The following UNC79 variants were observed in gnomAD, a reference collection of about 807,000 sequenced individuals.
UNC79 encodes unc-79 subunit of NALCN channel complex.
Under a neutral mutation model 283.1 loss-of-function variants are expected in UNC79, and 37 were observed. That is an observed-to-expected ratio of 0.13 (90% CI 0.10 to 0.17). The LOEUF (loss-of-function observed/expected upper bound fraction) is 0.17, where lower values mean the gene tolerates loss of function less well. Ranked by LOEUF, UNC79 falls within the 10% of genes least tolerant of loss-of-function variation. UNC79 has a pLI of 1.00. For missense variants in UNC79, 2,272 were observed against 3,211.1 expected, an observed-to-expected ratio of 0.71 and a Z score of 7.07; for synonymous variants, 1,107 against 1,200.2, an observed-to-expected ratio of 0.92 and a Z score of 1.61.
chr14:93,591,081 G>A (rs1466208068), intron 22 of UNC79, among the ~76,000 whole-genome samples: 1 of 152,134 alleles, frequency 6.6e-6, no homozygotes, highest in Non-Finnish European at 1.5e-5. Flanking sequence ...TGGCAGGGTT[G>A]GGATGAGGTC....
At position 93,673,470 on chromosome 14, in the gene UNC79, G is replaced by T. The variant is rs531321931; in HGVS notation, c.6741+15G>T. 2 of 1,607,246 alleles carry T rather than the reference G, an allele frequency of 1.2e-6. No homozygotes were observed. Among genetic ancestry groups the T allele is most frequent in the South Asian group, 1.1e-5 (1 of 89,756 alleles). The stretch of plus-strand genomic sequence containing the variant: ...TGCTTGTTCAGGTAAGCTCATGCTT[G>T]ATTTGTAAAACTTTTCATGAGATCC... On this transcript the variant is annotated intron_variant, in intron 41 of 48. Transcript: ENST00000555664.
At chr14:93,655,145 A>T (rs2070782054) in intron 37 of UNC79, 89 bp from the exon 41 acceptor site, 1 of 1,445,112 alleles carries the variant, frequency 6.9e-7, no homozygotes, top group Non-Finnish European at 9.5e-7. Context: ...TAGCCTGAAG[A>T]TGTGACTTTT....
chr14:93,480,417 C>T (rs911012689), intron 4 of UNC79, among the ~76,000 whole-genome samples: 3 of 152,108 alleles, frequency 2.0e-5, no homozygotes, highest in Non-Finnish European at 2.9e-5. Flanking sequence ...GTAAGAGGCA[C>T]GTATTGTCCT....
intron 32 of UNC79, among the ~76,000 whole-genome samples, chr14:93,638,975 A>G (rs1167506033): frequency 6.6e-6 from 1 of 152,224 alleles, no homozygotes; most frequent in Non-Finnish European, 1.5e-5. Flanking sequence ...GATGACGGCC[A>G]TAAATATTGC....
intron 18 of UNC79, 86 bp downstream of exon 18, chr14:93,578,149 C>A: frequency 8.0e-7 from 1 of 1,248,748 alleles, no homozygotes; most frequent in Non-Finnish European, 1.1e-6. Flanking sequence ...TGTTGGGCAT[C>A]TCCACACTTA....
At chr14:93,662,826 A>G in intron 40 of UNC79, 112 bp downstream of exon 43, 2 of 694,964 alleles carry the variant, frequency 2.9e-6, no homozygotes, top group Non-Finnish European at 4.7e-6. Flanking sequence ...ATAGTTAAAA[A>G]TGAGTAATTC....
At chr14:93,369,494 TAG>T (rs1364367774) in intron 1 of UNC79, among the ~76,000 whole-genome samples, 1 of 152,174 alleles carries the variant, frequency 6.6e-6, no homozygotes, top group Non-Finnish European at 1.5e-5. Context: ...CTTCCAGGAT[TAG>T]AGTGTCATGC....
intron 1 of UNC79, among the ~76,000 whole-genome samples, chr14:93,423,084 AAAAAAAAG>A (rs2055639744): frequency 2.0e-5 from 3 of 147,942 alleles, no homozygotes; most frequent in African/African-American, 7.5e-5. Context: ...AAAAAAAAAA[AAAAAAAAG>A]AAAAGAAGTC....
At position 93,688,158 on chromosome 14, in the gene UNC79, C is replaced by T. The variant is rs930868121; in HGVS notation, c.6910-507C>T. 6.6e-6 allele frequency among the ~76,000 whole-genome samples: 1 copy of T among 152,190 alleles called. No homozygotes were observed. Among genetic ancestry groups the T allele is most frequent in the African/African-American group, 2.4e-5 (1 of 41,448 alleles). ...ATGCTGTGATGAGCAAAAGCGGACA[C>T]AGTAGCTGCTCTCATTTAATTTATA... On this transcript the variant is annotated intron_variant, in intron 43 of 48. Coordinates refer to ENST00000555664, the Ensembl canonical transcript of UNC79. This position sits in a 1 kb window ranked among gnomAD's most constrained non-coding sequence, Gnocchi z 4.0.
In UNC79 at chr14:93,619,495, A is replaced by G. The variant is rs190300182; in HGVS notation, c.4387+1141A>G. Among the ~76,000 whole-genome samples the G allele has an allele frequency of 6.2e-3, 941 of 152,374 alleles. 7 individuals are homozygous for G. The highest frequency in any genetic ancestry group is 0.041 in the Middle Eastern group (12 of 294). On this transcript the variant is annotated intron_variant, in intron 29 of 48. Coordinates refer to ENST00000555664, the Ensembl canonical transcript of UNC79. ...TGCATTTTTCAAAGGATATTTTTCC[A>G]AAAAGGAAATAGAGAAGTAAAACAG...
intron 41 of UNC79, among the ~76,000 whole-genome samples, chr14:93,677,825 T>G (rs2073479407): frequency 6.6e-6 from 1 of 152,128 alleles, no homozygotes; most frequent in Non-Finnish European, 1.5e-5. Flanking sequence ...AATTTTTGTA[T>G]TTTTAGTAGA....
At chr14:93,640,522 T>G (rs755787879) in intron 32 of UNC79, among the ~76,000 whole-genome samples, 22 of 152,102 alleles carry the variant, frequency 1.4e-4, no homozygotes, top group Non-Finnish European at 2.6e-4. Flanking sequence ...CAGCCACTTG[T>G]GTGGCTGAGG....
At chr14:93,691,641 G>T in intron 45 of UNC79, 108 bp from the exon 49 acceptor site, 1 of 1,130,628 alleles carries the variant, frequency 8.8e-7, no homozygotes. Context: ...TTATGCCTTT[G>T]TGCTTCCCCT....
intron 1 of UNC79, among the ~76,000 whole-genome samples, chr14:93,388,092 T>C: frequency 6.6e-6 from 1 of 152,112 alleles, no homozygotes; most frequent in East Asian, 1.9e-4. Context: ...CATGGCCAGC[T>C]CATTCTTTTC....
At chr14:93,416,807 G>A (rs922789643) in intron 1 of UNC79, among the ~76,000 whole-genome samples, 1 of 151,976 alleles carries the variant, frequency 6.6e-6, no homozygotes, top group Admixed American at 6.6e-5. Flanking sequence ...ATCTTTGTTG[G>A]TTTAAAGTCT....
chr14:93,567,063 C>G (rs192514911), intron 14 of UNC79, among the ~76,000 whole-genome samples: 1 of 152,152 alleles, frequency 6.6e-6, no homozygotes, highest in African/African-American at 2.4e-5. Context: ...CTCTGTACAT[C>G]GTGATCTGTA....
chr14:93,395,744 T>C (rs542944785), intron 1 of UNC79, among the ~76,000 whole-genome samples: 50 of 152,344 alleles, frequency 3.3e-4, no homozygotes, highest in African/African-American at 1.2e-3. Context: ...TTCTGGTCTC[T>C]ACAATTTCTG....
rs1216579389 is a variant in UNC79, at chr14:93,537,971, C to T, written c.1123-18C>T. On this transcript the variant is annotated intron_variant, in intron 11 of 48. Coordinates refer to ENST00000555664, the Ensembl canonical transcript of UNC79. ...CTCGGTGGTCAATTTTAATTGATTT[C>T]ACTTTCTTGGCTTCTAGAACTGCAG... 6.3e-7 allele frequency: 1 copy of T among 1,593,182 alleles called. No homozygotes were observed. Among genetic ancestry groups the T allele is most frequent in the Non-Finnish European group, 8.5e-7 (1 of 1,171,258 alleles).
chr14:93,645,869 C>T (rs1204059583), intron 34 of UNC79, among the ~76,000 whole-genome samples: 2 of 152,112 alleles, frequency 1.3e-5, no homozygotes, highest in Non-Finnish European at 2.9e-5. Context: ...GCTGGACCCC[C>T]TATTCTTCTC....
Sources: allele counts gnomAD v4.1 joint callset (sites outside exome capture counted in the v4.1 genomes callset), GRCh38; gene constraint gnomAD v4.1.1; non-coding constraint Gnocchi (gnomAD v3.1); transcripts MANE v1.5; gene names NCBI Gene and HGNC (gene_info 2026-07-23, HGNC 2026-07-21).